The following HILPDA variants were observed in gnomAD, a reference collection of about 807,000 sequenced individuals.
HILPDA encodes hypoxia inducible lipid droplet associated.
For missense variants in HILPDA, 72 were observed against 73.5 expected (o/e 0.98, Z 0.08); for synonymous variants, 37 against 33.2 (o/e 1.12, Z -0.40).
At position 128,457,501 on chromosome 7, in the gene HILPDA, C is replaced by T. The variant is rs1016712020; in HGVS notation, c.*41C>T. On this transcript the variant is annotated 3_prime_UTR_variant, in exon 2 of 2. Coordinates refer to ENST00000257696, the MANE Select transcript of HILPDA (RefSeq NM_013332.4). ...TACTGGCCATATTTTGGAACACTGACCTAGACATGTCCAGATGGGAGTCCC... is the reference window on the plus strand; with the variant it reads ...TACTGGCCATATTTTGGAACACTGATCTAGACATGTCCAGATGGGAGTCCC... The T allele has an allele frequency of 3.2e-6, 5 of 1,566,040 alleles. No homozygotes were observed. The highest frequency in any genetic ancestry group is 2.7e-5 in the African/African-American group (2 of 73,824).
At position 128,457,909 on chromosome 7, in the gene HILPDA, C is replaced by CA. The variant is rs376818816; in HGVS notation, c.*459dup. ...TGGGCCACAGTGCAAGACTCCATCT[C>CA]AAAAAAAAAAGAAAAGAAAAAGCCT... On this transcript the variant is annotated 3_prime_UTR_variant, in exon 2 of 2. Transcript: ENST00000257696. 9.2e-3 allele frequency: 1,537 copies of CA among 166,382 alleles called. 21 individuals are homozygous for CA. Among genetic ancestry groups the CA allele is most frequent in the African/African-American group, 0.027 (1,063 of 39,782 alleles). 10.3% of individuals were successfully genotyped at this position (166,382 alleles called of 1,614,324 possible).
In HILPDA at chr7:128,458,257, GC is replaced by G. The variant is rs1799573609; in HGVS notation, c.*800del. On this transcript the variant is annotated 3_prime_UTR_variant, in exon 2 of 2. Coordinates refer to ENST00000257696, the MANE Select transcript of HILPDA (RefSeq NM_013332.4). ...TGGGAGTGAGGATGGAGTGTTCAGT[GC>G]CCATTTCTCATTTTACATTTTAAAG... 1 of 167,068 alleles carries G rather than the reference GC, an allele frequency of 6.0e-6. No individual in the cohort carries two copies. The highest frequency in any genetic ancestry group is 2.4e-5 in the African/African-American group (1 of 41,448). The allele number at this position is 167,068 out of a possible 1,614,324, so 10.3% of individuals were successfully genotyped here.
At position 128,457,490 on chromosome 7, in the gene HILPDA, T is replaced by C. The variant is rs1223402580; in HGVS notation, c.*30T>C. Reference sequence around the variant, plus strand: ...ACCTCCTTCCATACTGGCCATATTTTGGAACACTGACCTAGACATGTCCAG... The same window carrying C: ...ACCTCCTTCCATACTGGCCATATTTCGGAACACTGACCTAGACATGTCCAG... On this transcript the variant is annotated 3_prime_UTR_variant, in exon 2 of 2. Coordinates refer to ENST00000257696, the MANE Select transcript of HILPDA (RefSeq NM_013332.4). The C allele has an allele frequency of 3.1e-6, 5 of 1,601,690 alleles. No individual in the cohort carries two copies. The highest frequency in any genetic ancestry group is 4.3e-6 in the Non-Finnish European group (5 of 1,169,358).
intron 1 of HILPDA, 100 bp downstream of exon 1, chr7:128,456,123 G>C: frequency 5.3e-6 from 2 of 378,094 alleles, no homozygotes; most frequent in Non-Finnish European, 1.0e-5. Flanking sequence ...GCGCCGCCGG[G>C]ATCCTCTCTG....
At chr7:128,456,136 C>G in intron 1 of HILPDA, 113 bp downstream of exon 1, 1 of 368,482 alleles carries the variant, frequency 2.7e-6, no homozygotes. Flanking sequence ...CCTCTCTGAT[C>G]GCCCACGCCC....
Position 128,457,531 on chromosome 7 carries a change from C to T in HILPDA, c.*71C>T. 1 of 1,378,618 alleles carries T rather than the reference C, an allele frequency of 7.3e-7. No individual in the cohort carries two copies. Among genetic ancestry groups the T allele is most frequent in the Non-Finnish European group, 1.0e-6 (1 of 972,854 alleles). 85.4% of individuals were successfully genotyped at this position (1,378,618 alleles called of 1,614,324 possible). A position where few individuals can be genotyped will look rare whatever the true frequency, so the allele number is the denominator to read the frequency against. On this transcript the variant is annotated 3_prime_UTR_variant, in exon 2 of 2. Transcript: ENST00000257696. The stretch of plus-strand genomic sequence containing the variant: ...ACATGTCCAGATGGGAGTCCCATTC[C>T]TAGCAGACAAGCTGAGCACCGTTGT...
rs928625418 is a variant in HILPDA at position 128,455,956 on chromosome 7, C to T, written c.-136C>T. 2.2e-6 allele frequency: 1 copy of T among 456,658 alleles called. No individual in the cohort carries two copies. Among genetic ancestry groups the T allele is most frequent in the Admixed American group, 2.3e-5 (1 of 42,584 alleles). The allele number at this position is 456,658 out of a possible 1,614,324, so 28.3% of individuals were successfully genotyped here. ...TTCTGCGCTGGTGCTTAGTAACCGA[C>T]TTTCCTCCGGACTCCTGCACGACCT... is the stretch of plus-strand genomic sequence containing the variant. On this transcript the variant is annotated 5_prime_UTR_variant, in exon 1 of 2. Transcript: ENST00000257696.
chr7:128,457,007 A>T lies in HILPDA; in HGVS notation c.-68-194A>T, dbSNP rs917400647. Among the ~76,000 whole-genome samples, 36 of 152,312 alleles carry T rather than the reference A, an allele frequency of 2.4e-4. 1 individual carries two copies. Among genetic ancestry groups the T allele is most frequent in the African/African-American group, 8.4e-4 (35 of 41,570 alleles). On this transcript the variant is annotated intron_variant, in intron 1 of 1. Transcript: ENST00000257696. ...GAAGTGTTCTTGAATTAGTCCAAGAAGCAACACTGGCTCCGCAGCCATGAA... is the reference window on the plus strand; with the variant it reads ...GAAGTGTTCTTGAATTAGTCCAAGATGCAACACTGGCTCCGCAGCCATGAA...
At position 128,457,354 on chromosome 7, in the gene HILPDA, G is replaced by T. The variant is rs1326436245; in HGVS notation, c.86G>T (p.Gly29Val). ...IFVRVMESLEGLLESPSPGTS... is the reference protein window; with the variant it reads ...IFVRVMESLEVLLESPSPGTS... ...GTTAGAGTGATGGAGTCCCTAGAGG[G>T]CTTACTAGAGAGCCCATCGCCTGGG... is the stretch of plus-strand genomic sequence containing the variant. The change falls in exon 2 of 2, where the codon GGC becomes GTC. Residue 29 changes from glycine (G) to valine (V), a missense_variant. Physicochemically the swap from Gly to Val is moderately radical, Grantham distance 109 (BLOSUM62 -3). Transcript: ENST00000257696. 1.5e-5 allele frequency: 24 copies of T among 1,613,998 alleles called. No individual in the cohort carries two copies. The highest frequency in any genetic ancestry group is 1.9e-5 in the Non-Finnish European group (23 of 1,180,028).
intron 1 of HILPDA, 119 bp from the exon 2 acceptor site, chr7:128,457,082 C>T: frequency 2.0e-6 from 1 of 490,212 alleles, no homozygotes; most frequent in Non-Finnish European, 3.7e-6. Context: ...CTCCCTGGTC[C>T]CTGTGTCCCT....
At chr7:128,456,944 G>A (rs1443161640) in intron 1 of HILPDA, among the ~76,000 whole-genome samples, 1 of 152,238 alleles carries the variant, frequency 6.6e-6, no homozygotes, top group African/African-American at 2.4e-5. Context: ...TTACAGGTAT[G>A]AGCCACCGCG....
At position 128,455,930 on chromosome 7, in the gene HILPDA, C is replaced by T. The variant is rs977054467; in HGVS notation, c.-162C>T. Reference sequence around the variant, plus strand: ...CTCCGGTGAGTTTTGTGGCGGGAAGCTTCTGCGCTGGTGCTTAGTAACCGA... The same window carrying T: ...CTCCGGTGAGTTTTGTGGCGGGAAGTTTCTGCGCTGGTGCTTAGTAACCGA... On this transcript the variant is annotated 5_prime_UTR_variant, in exon 1 of 2. Coordinates refer to ENST00000257696, the MANE Select transcript of HILPDA (RefSeq NM_013332.4). The T allele has an allele frequency of 1.3e-5, 6 of 456,144 alleles. No individual in the cohort carries two copies. The highest frequency in any genetic ancestry group is 2.6e-5 in the Non-Finnish European group (6 of 226,962). The allele number at this position is 456,144 out of a possible 1,614,324, so 28.3% of individuals were successfully genotyped here.
intron 1 of HILPDA, 51 bp downstream of exon 1, chr7:128,456,074 C>T (rs1799536138): frequency 2.3e-5 from 10 of 427,318 alleles, no homozygotes; most frequent in Non-Finnish European, 3.8e-5. Flanking sequence ...CGCTAGAGTG[C>T]TCGCCGCGCT....
rs1038217486 is a variant in HILPDA at position 128,457,859 on chromosome 7, C to T, written c.*399C>T. The T allele has an allele frequency of 5.7e-5, 13 of 227,162 alleles. No homozygotes were observed. Among genetic ancestry groups the T allele is most frequent in the South Asian group, 2.2e-4 (3 of 13,458 alleles). 14.1% of individuals were successfully genotyped at this position (227,162 alleles called of 1,614,324 possible). A position where few individuals can be genotyped will look rare whatever the true frequency, so the allele number is the denominator to read the frequency against. On this transcript the variant is annotated 3_prime_UTR_variant, in exon 2 of 2. Coordinates refer to ENST00000257696, the MANE Select transcript of HILPDA (RefSeq NM_013332.4). ...CCCGGGGACGGAGGTTGCAGTGAGC[C>T]GAGATCGCACTGCTGTACCCAGCCT...
chr7:128,455,958 TTCCTCCGGAC>T lies in HILPDA; in HGVS notation c.-129_-120del, dbSNP rs765990695. On this transcript the variant is annotated 5_prime_UTR_variant, in exon 1 of 2. Transcript: ENST00000257696. ...CTGCGCTGGTGCTTAGTAACCGACT[TTCCTCCGGAC>T]TCCTGCACGACCTGCTCCTACAGCC... The T allele has an allele frequency of 6.6e-6, 3 of 456,634 alleles. No individual in the cohort carries two copies. Among genetic ancestry groups the T allele is most frequent in the South Asian group, 4.6e-5 (3 of 64,566 alleles). The allele number at this position is 456,634 out of a possible 1,614,324, so 28.3% of individuals were successfully genotyped here. A position where few individuals can be genotyped will look rare whatever the true frequency, so the allele number is the denominator to read the frequency against.
In HILPDA at chr7:128,457,418, G is replaced by C; in HGVS notation, c.150G>C (p.Glu50Asp). 6.2e-7 allele frequency: 1 copy of C among 1,614,168 alleles called. No individual in the cohort carries two copies. Among genetic ancestry groups the C allele is most frequent in the Non-Finnish European group, 8.5e-7 (1 of 1,180,028 alleles). Reference protein sequence around the residue: ...WTTRSQLANTEPTKGLPDHPS... With the variant: ...WTTRSQLANTDPTKGLPDHPS... ...CCAGAAGCCAACTAGCCAACACAGAGCCCACCAAGGGCCTTCCAGACCATC... is the reference window on the plus strand; with the variant it reads ...CCAGAAGCCAACTAGCCAACACAGACCCCACCAAGGGCCTTCCAGACCATC... Residue 50 changes from glutamate (E) to aspartate (D), a missense_variant, in exon 2 of 2, where the codon GAG becomes GAC. Coordinates refer to ENST00000257696, the MANE Select transcript of HILPDA (RefSeq NM_013332.4).
chr7:128,456,166 G>A, intron 1 of HILPDA, 143 bp downstream of exon 1: 1 of 356,556 alleles, frequency 2.8e-6, no homozygotes, highest in Admixed American at 3.8e-5. Flanking sequence ...TCCCCATTCA[G>A]CCGTCAGCCC....
chr7:128,457,379 G>C lies in HILPDA; in HGVS notation c.111G>C (p.Gly37=), dbSNP rs138759578. The change falls in exon 2 of 2, where the codon GGG becomes GGC. Residue 37 remains glycine, a synonymous_variant. Transcript: ENST00000257696. ...GCTTACTAGAGAGCCCATCGCCTGG[G>C]ACCTCCTGGACCACCAGAAGCCAAC... ...LEGLLESPSP[G]TSWTTRSQLA... The C allele has an allele frequency of 1.9e-4, 309 of 1,614,130 alleles. 1 individual carries two copies. The African/African-American group carries it at 3.5e-3, about 18-fold the overall frequency.
At chr7:128,457,097 G>A (rs1799552662) in intron 1 of HILPDA, 104 bp from the exon 2 acceptor site, 1 of 531,926 alleles carries the variant, frequency 1.9e-6, no homozygotes, top group African/African-American at 1.9e-5. Context: ...GTCCCTCACT[G>A]GCTAAGCCTC....
Sources: allele counts gnomAD v4.1 joint callset (sites outside exome capture counted in the v4.1 genomes callset), GRCh38; gene constraint gnomAD v4.1.1; transcripts MANE v1.5; gene names NCBI Gene and HGNC (gene_info 2026-07-23, HGNC 2026-07-21).